The following ZRANB3 variants were observed in gnomAD, a reference collection of about 807,000 sequenced individuals.
ZRANB3 encodes the protein zinc finger RANBP2-type containing 3.
A neutral mutation model predicts 133.8 loss-of-function variants in ZRANB3; 125 were observed. The observed-to-expected ratio is 0.93, with a 90% CI of 0.81 to 1.08. The LOEUF is 1.08. Ranked by LOEUF, ZRANB3 falls within the 50% of genes least tolerant of loss-of-function variation. The probability of loss-of-function intolerance (pLI) is 0.00; values close to 1 mark genes in which losing one functional copy is unlikely to be tolerated. For missense variants in ZRANB3, 1,229 were observed against 1,275.5 expected (o/e 0.96, Z 0.56); for synonymous variants, 387 against 432.7 (o/e 0.89, Z 1.31).
At chr2:135,292,912 C>T (rs564433641) in intron 8 of ZRANB3, among the ~76,000 whole-genome samples, 60 of 151,676 alleles carry the variant, frequency 4.0e-4, no homozygotes, top group South Asian at 1.3e-3. Context: ...TGTAGATATG[C>T]GGCATTATTT....
intron 2 of ZRANB3, among the ~76,000 whole-genome samples, chr2:135,418,813 G>C (rs1319769001): frequency 6.6e-6 from 1 of 151,650 alleles, no homozygotes; most frequent in Non-Finnish European, 1.5e-5. Flanking sequence ...GGAAGCAGTG[G>C]TTCCTCCTGA....
intron 2 of ZRANB3, among the ~76,000 whole-genome samples, chr2:135,393,517 T>C (rs904477663): frequency 1.5e-4 from 23 of 152,024 alleles, no homozygotes; most frequent in African/African-American, 5.3e-4. Context: ...AGACCTATTT[T>C]ACAAAAAATA....
intron 1 of ZRANB3, among the ~76,000 whole-genome samples, chr2:135,523,344 T>A (rs111579743): frequency 6.6e-6 from 1 of 152,224 alleles, no homozygotes; most frequent in Non-Finnish European, 1.5e-5. Flanking sequence ...AGCTCCCAAC[T>A]GGACTCCTCT....
intron 12 of ZRANB3, among the ~76,000 whole-genome samples, chr2:135,245,947 A>AAAAAAGAG (rs1553461041): frequency 6.9e-6 from 1 of 145,382 alleles, no homozygotes; most frequent in African/African-American, 2.6e-5. Flanking sequence ...AAAAAAAAAA[A>AAAAAAGAG]AGAGACAGGG....
At chr2:135,506,967 CCCCATAACAAAA>C (rs1693216596) in intron 1 of ZRANB3, among the ~76,000 whole-genome samples, 1 of 152,104 alleles carries the variant, frequency 6.6e-6, no homozygotes, top group African/African-American at 2.4e-5. Flanking sequence ...CCACCACCAC[CCCCATAACAAAA>C]CTTAGCAAGG....
At position 135,350,024 on chromosome 2, in the gene ZRANB3, A is replaced by C; in HGVS notation, c.551T>G (p.Ile184Ser). 6.2e-7 allele frequency: 1 copy of C among 1,613,808 alleles called. No individual in the cohort carries two copies. The highest frequency in any genetic ancestry group is 1.1e-5 in the South Asian group (1 of 91,080). ...LPIVQKARRA[I>S]LLTGTPALGR... ...TAAAGCTGGTGTTCCTGTAAGAAGA[A>C]TGGCTCGTCTGGCTTTCTGTACTAT... The change falls in exon 5 of 21, where the codon ATT (isoleucine) becomes AGT (serine). Residue 184 changes from isoleucine to serine, a missense_variant. Coordinates refer to ENST00000264159, the MANE Select transcript of ZRANB3 (RefSeq NM_032143.4).
chr2:135,388,105 C>T (rs563228362), intron 3 of ZRANB3, among the ~76,000 whole-genome samples: 18 of 152,126 alleles, frequency 1.2e-4, no homozygotes, highest in Non-Finnish European at 2.2e-4. Flanking sequence ...TGGTGGAAGG[C>T]GAAAGAGGAG....
At chr2:135,467,781 T>C (rs188424835) in intron 2 of ZRANB3, among the ~76,000 whole-genome samples, 11 of 152,308 alleles carry the variant, frequency 7.2e-5, no homozygotes, top group African/African-American at 2.6e-4. Flanking sequence ...TTTGTGTCTC[T>C]CTCTCATTAA....
At chr2:135,245,290 T>G (rs1258846032) in intron 12 of ZRANB3, among the ~76,000 whole-genome samples, 2 of 152,208 alleles carry the variant, frequency 1.3e-5, no homozygotes, top group African/African-American at 4.8e-5. Context: ...GCTTTCTGAT[T>G]GTAGCCTCTG....
intron 2 of ZRANB3, among the ~76,000 whole-genome samples, chr2:135,454,911 C>T (rs979553370): frequency 7.2e-5 from 11 of 152,036 alleles, no homozygotes; most frequent in Admixed American, 6.6e-5. Flanking sequence ...TCTCTCAATG[C>T]GCTACTACAA....
At chr2:135,498,496 C>T (rs1692783251) in intron 2 of ZRANB3, among the ~76,000 whole-genome samples, 1 of 152,138 alleles carries the variant, frequency 6.6e-6, no homozygotes, top group African/African-American at 2.4e-5. Flanking sequence ...AATGTCACTT[C>T]AGGACCCTGT....
chr2:135,348,208 G>A (rs1327294243), intron 5 of ZRANB3, among the ~76,000 whole-genome samples: 1 of 151,164 alleles, frequency 6.6e-6, no homozygotes, highest in Middle Eastern at 3.4e-3. Context: ...GCTGTGAGCC[G>A]AGATCATGCC....
intron 3 of ZRANB3, among the ~76,000 whole-genome samples, chr2:135,368,725 T>G (rs181366008): frequency 6.6e-6 from 1 of 152,106 alleles, no homozygotes; most frequent in East Asian, 1.9e-4. Context: ...TGTATGCCTG[T>G]ATCAAAATAT....
intron 20 of ZRANB3, 102 bp downstream of exon 20, chr2:135,202,730 G>A: frequency 9.4e-6 from 13 of 1,387,616 alleles, no homozygotes; most frequent in Non-Finnish European, 1.3e-5. Context: ...TCGAATCTCA[G>A]ACCAGAGATA....
At chr2:135,395,247 A>T (rs1423446581) in intron 2 of ZRANB3, among the ~76,000 whole-genome samples, 1 of 152,064 alleles carries the variant, frequency 6.6e-6, no homozygotes, top group Non-Finnish European at 1.5e-5. Context: ...ATACACTGGG[A>T]GAAAGGGCAG....
intron 12 of ZRANB3, among the ~76,000 whole-genome samples, chr2:135,264,470 C>CAAAAAA (rs201380002): frequency 1.5e-5 from 1 of 64,940 alleles, no homozygotes; most frequent in Non-Finnish European, 3.3e-5. Context: ...GACTCTGTCT[C>CAAAAAA]AAAAAAAAAA....
intron 2 of ZRANB3, among the ~76,000 whole-genome samples, chr2:135,403,916 A>G (rs947465395): frequency 6.6e-6 from 1 of 152,256 alleles, no homozygotes; most frequent in African/African-American, 2.4e-5. Context: ...GAAAACTAAC[A>G]AACAGAAAGG....
intron 12 of ZRANB3, among the ~76,000 whole-genome samples, chr2:135,235,350 C>T (rs189036679): frequency 1.4e-3 from 220 of 152,246 alleles, no homozygotes; most frequent in African/African-American, 4.8e-3. Context: ...CCAAATTCTA[C>T]GAGAGGTACA....
chr2:135,377,796 G>A (rs1686493248), intron 3 of ZRANB3, among the ~76,000 whole-genome samples: 1 of 152,182 alleles, frequency 6.6e-6, no homozygotes, highest in Non-Finnish European at 1.5e-5. Flanking sequence ...AGGATACAAA[G>A]TATTGATCCT....
Sources: gnomAD v4.1 joint callset for allele counts (sites outside exome capture counted in the v4.1 genomes callset) on GRCh38, gnomAD v4.1.1 for gene constraint, MANE v1.5 for transcripts, NCBI Gene and HGNC (gene_info 2026-07-23, HGNC 2026-07-21) for gene names.